The following RDX variants were observed in gnomAD, a reference collection of about 807,000 sequenced individuals.
The protein encoded by RDX is deafness, autosomal recessive 24.
A neutral mutation model predicts 83.7 loss-of-function variants in RDX; 32 were observed. The observed-to-expected ratio is 0.38, with a 90% confidence interval of 0.29 to 0.51. The LOEUF is 0.51. RDX is among the 20% of genes least tolerant of loss of function. The pLI, the probability that RDX is intolerant of heterozygous loss-of-function variation, is 0.87. For synonymous variants in RDX, 229 were observed against 222.7 expected (o/e 1.03, Z -0.25); for missense variants, 600 against 689.9 (o/e 0.87, Z 1.46).
chr11:110,252,026 C>G (rs770038531), intron 9 of RDX, among the ~76,000 whole-genome samples: 5 of 152,186 alleles, frequency 3.3e-5, no homozygotes, highest in Non-Finnish European at 7.4e-5. Flanking sequence ...TCCACACATA[C>G]AGCTGCCATT....
chr11:110,210,984 C>T (rs1226934159), intron 14 of RDX, among the ~76,000 whole-genome samples: 1 of 151,622 alleles, frequency 6.6e-6, no homozygotes, highest in East Asian at 1.9e-4. Context: ...CAAATTCACA[C>T]ATAACAATAT....
intron 15 of RDX, among the ~76,000 whole-genome samples, chr11:110,192,553 G>T (rs1863123249): frequency 6.6e-6 from 1 of 152,166 alleles, no homozygotes; most frequent in Admixed American, 6.5e-5. Flanking sequence ...CACAGCAAGA[G>T]AAACTATCAA....
intron 1 of RDX, among the ~76,000 whole-genome samples, chr11:110,287,869 C>T (rs1201693944): frequency 6.6e-6 from 1 of 152,188 alleles, no homozygotes; most frequent in Non-Finnish European, 1.5e-5. Context: ...AGACATAAGT[C>T]CTTTAAAATC....
intron 9 of RDX, among the ~76,000 whole-genome samples, chr11:110,250,026 C>A (rs73555745): frequency 0.039 from 5,899 of 152,276 alleles, 388 homozygotes; most frequent in African/African-American, 0.13. Context: ...TGGGCTCACT[C>A]TGCAGGACAT....
intron 7 of RDX, among the ~76,000 whole-genome samples, chr11:110,256,172 G>A (rs1403824825): frequency 2.0e-5 from 3 of 152,148 alleles, no homozygotes; most frequent in Admixed American, 6.6e-5. Flanking sequence ...ACTGAGAAAT[G>A]ATTTTGACAC....
intron 14 of RDX, among the ~76,000 whole-genome samples, chr11:110,203,635 C>A (rs1591508666): frequency 6.6e-6 from 1 of 151,666 alleles, no homozygotes; most frequent in East Asian, 1.9e-4. Flanking sequence ...ATCTCATGTC[C>A]CCCATAAATA....
At chr11:110,245,955 AT>A (rs1362178653) in intron 10 of RDX, among the ~76,000 whole-genome samples, 1 of 151,856 alleles carries the variant, frequency 6.6e-6, no homozygotes, top group African/African-American at 2.4e-5. Flanking sequence ...TAGATATTTC[AT>A]TTTTTTTGAG....
chr11:110,279,174 G>A (rs1860648561), intron 2 of RDX, among the ~76,000 whole-genome samples: 1 of 151,948 alleles, frequency 6.6e-6, no homozygotes, highest in Non-Finnish European at 1.5e-5. Flanking sequence ...TACTCCCTTG[G>A]GTAACTAATT....
intron 15 of RDX, among the ~76,000 whole-genome samples, chr11:110,182,229 G>A (rs1450909681): frequency 1.3e-5 from 2 of 152,238 alleles, no homozygotes; most frequent in Non-Finnish European, 2.9e-5. Flanking sequence ...GGAGCTCCAG[G>A]AGGGCAGAGA....
intron 5 of RDX, 72 bp downstream of exon 5, chr11:110,263,888 A>C: frequency 7.3e-7 from 1 of 1,378,216 alleles, no homozygotes; most frequent in Non-Finnish European, 1.0e-6. Flanking sequence ...AAAAAACCTG[A>C]AAAACGTTTT....
intron 1 of RDX, among the ~76,000 whole-genome samples, chr11:110,293,517 T>C (rs1861326901): frequency 2.0e-5 from 3 of 152,184 alleles, no homozygotes; most frequent in African/African-American, 7.2e-5. Context: ...GACACCTCTA[T>C]CATCAAAGCA....
At chr11:110,182,867 G>A (rs746747060) in intron 15 of RDX, among the ~76,000 whole-genome samples, 2 of 152,212 alleles carry the variant, frequency 1.3e-5, no homozygotes, top group Non-Finnish European at 2.9e-5. Context: ...CGGATTCTAT[G>A]TATTTGGGGA....
intron 3 of RDX, among the ~76,000 whole-genome samples, chr11:110,269,547 G>C (rs1860209379): frequency 6.6e-6 from 1 of 152,164 alleles, no homozygotes; most frequent in African/African-American, 2.4e-5. Flanking sequence ...AGAGGACCCA[G>C]TTTACCCCTG....
intron 10 of RDX, among the ~76,000 whole-genome samples, chr11:110,245,050 T>C (rs1859042569): frequency 6.6e-6 from 1 of 151,358 alleles, no homozygotes. Context: ...CTGCCAACTC[T>C]GCCTCTTGGG....
chr11:110,282,125 T>C (rs1202319650), intron 1 of RDX, among the ~76,000 whole-genome samples: 3 of 152,036 alleles, frequency 2.0e-5, no homozygotes, highest in Non-Finnish European at 4.4e-5. Flanking sequence ...TATAACCTAT[T>C]GGTTCAGAAA....
In RDX at chr11:110,230,654, C is replaced by T. The variant is rs1342774754; in HGVS notation, c.*1215G>A. On this transcript the variant is annotated 3_prime_UTR_variant, in exon 14 of 14. Transcript: ENST00000645495. ...CTCTCTCTTGCTCAGCCATACAACA[C>T]CCCTCCAGGATGATAGTATACCAGT... is the stretch of plus-strand genomic sequence containing the variant. 1 of 152,334 alleles carries T rather than the reference C, an allele frequency of 6.6e-6. No individual in the cohort carries two copies. Among genetic ancestry groups the T allele is most frequent in the African/African-American group, 2.4e-5 (1 of 41,310 alleles). 9.4% of individuals were successfully genotyped at this position (152,334 alleles called of 1,614,324 possible).
chr11:110,252,685 A>C (rs942437651), intron 9 of RDX, among the ~76,000 whole-genome samples: 2 of 152,264 alleles, frequency 1.3e-5, no homozygotes, highest in Non-Finnish European at 2.9e-5. Flanking sequence ...ATTTTTAAAA[A>C]GCATTTAAGA....
chr11:110,201,800 G>C (rs371867810), intron 14 of RDX, among the ~76,000 whole-genome samples: 1 of 152,012 alleles, frequency 6.6e-6, no homozygotes, highest in Non-Finnish European at 1.5e-5. Flanking sequence ...CAATGGCGCC[G>C]TCTTGGCTCA....
chr11:110,196,949 AGTGCAGGG>A (rs1480223074), intron 15 of RDX, among the ~76,000 whole-genome samples: 1 of 152,136 alleles, frequency 6.6e-6, no homozygotes, highest in East Asian at 1.9e-4. Context: ...CCCAGGCTGG[AGTGCAGGG>A]GTGTGATCTT....
Sources: allele counts gnomAD v4.1 joint callset (sites outside exome capture counted in the v4.1 genomes callset), GRCh38; gene constraint gnomAD v4.1.1; transcripts MANE v1.5; gene names NCBI Gene and HGNC (gene_info 2026-07-23, HGNC 2026-07-21).